ZNF536: variants seen among roughly 807,000 people sequenced by gnomAD.
The protein encoded by ZNF536 is zinc finger protein 536.
ZNF536 carries 13 observed loss-of-function variants against 84.5 expected under a neutral mutation model. The observed-to-expected ratio is 0.15, with a 90% CI of 0.10 to 0.24. ZNF536 has a LOEUF of 0.24. Ranked by LOEUF, ZNF536 falls within the 10% of genes least tolerant of loss-of-function variation. The pLI is 1.00. For synonymous variants in ZNF536, 811 were observed against 742.5 expected, an observed-to-expected ratio of 1.09 and a Z score of -1.50; for missense variants, 1,536 against 1,747.5, an observed-to-expected ratio of 0.88 and a Z score of 2.16.
intron 2 of ZNF536, among the ~76,000 whole-genome samples, chr19:30,530,808 C>T (rs2044777062): frequency 6.6e-6 from 1 of 152,208 alleles, no homozygotes; most frequent in South Asian, 2.1e-4. Context: ...GACGCCAGTG[C>T]TTTTATACTC....
chr19:30,698,923 C>G (rs1009465152), intron 1 of ZNF536, among the ~76,000 whole-genome samples: 1 of 152,172 alleles, frequency 6.6e-6, no homozygotes, highest in African/African-American at 2.4e-5. Flanking sequence ...CAATCCTTCC[C>G]CCTGTATTTA....
chr19:30,684,132 C>CAT (rs1210685676), intron 1 of ZNF536, among the ~76,000 whole-genome samples: 1 of 151,960 alleles, frequency 6.6e-6, no homozygotes, highest in Non-Finnish European at 1.5e-5. Flanking sequence ...CACACACACA[C>CAT]ATATATACAT....
Position 30,236,967 on chromosome 19 carries a change from T to C in ZNF536, c.-190+8294T>C, listed in dbSNP as rs1251743015. ...AAGAACTGGTTGCATTTTGACATTC[T>C]GCTCCTTTGTCTCACTGACACCAGC... On this transcript the variant is annotated intron_variant, in intron 1 of 5. Transcript: ENST00000585628. 6.6e-5 allele frequency among the ~76,000 whole-genome samples: 10 copies of C among 152,224 alleles called. No individual in the cohort carries two copies. The East Asian group carries it at 1.5e-3, about 23-fold the overall frequency.
intron 2 of ZNF536, among the ~76,000 whole-genome samples, chr19:30,330,175 A>C (rs1412885606): frequency 1.3e-5 from 2 of 152,182 alleles, no homozygotes; most frequent in Non-Finnish European, 2.9e-5. Context: ...TACTTTATTC[A>C]TCAGAAAGCT....
At chr19:30,439,153 T>A (rs1442632304) in intron 1 of ZNF536, among the ~76,000 whole-genome samples, 3 of 151,942 alleles carry the variant, frequency 2.0e-5, no homozygotes, top group Non-Finnish European at 4.4e-5. Context: ...AACACAGACA[T>A]AATTATTGCA....
chr19:30,390,176 G>C (rs907739584), intron 1 of ZNF536, among the ~76,000 whole-genome samples: 4 of 152,282 alleles, frequency 2.6e-5, no homozygotes, highest in Non-Finnish European at 5.9e-5. Context: ...GGGGGTTAAG[G>C]TTGTGTTGAG....
Position 30,297,913 on chromosome 19 carries a change from C to A in ZNF536, c.-120+13772C>A, listed in dbSNP as rs530212176. 1.9e-3 allele frequency among the ~76,000 whole-genome samples: 276 copies of A among 141,786 alleles called. 2 individuals are homozygous for A. The highest frequency in any genetic ancestry group is 3.1e-3 in the Non-Finnish European group (207 of 67,016). 93.0% of individuals were successfully genotyped at this position (141,786 alleles called of 152,430 possible). ...TTTCTCAAGACGGAGTCCCCCCCCC[C>A]TCTGTCGCCCAGGCTGGAGTGCAGT... On this transcript the variant is annotated intron_variant, in intron 2 of 5. Transcript: ENST00000585628.
At chr19:30,233,470 T>C (rs367705719) in intron 1 of ZNF536, among the ~76,000 whole-genome samples, 2 of 151,796 alleles carry the variant, frequency 1.3e-5, no homozygotes, top group South Asian at 2.1e-4. Flanking sequence ...GCCTCCTGAG[T>C]AGCTGGGACT....
At chr19:30,622,886 C>T (rs1239038258) in intron 1 of ZNF536, among the ~76,000 whole-genome samples, 1 of 152,034 alleles carries the variant, frequency 6.6e-6, no homozygotes, top group Non-Finnish European at 1.5e-5. Flanking sequence ...CTGTATCCTC[C>T]AAGGCAGACA....
chr19:30,686,497 C>T (rs970805422), intron 1 of ZNF536, among the ~76,000 whole-genome samples: 1 of 152,206 alleles, frequency 6.6e-6, no homozygotes, highest in Non-Finnish European at 1.5e-5. Flanking sequence ...GGGGCTCACA[C>T]AGGGCGCGGT....
At chr19:30,401,593 AG>A (rs1386169397) in intron 1 of ZNF536, among the ~76,000 whole-genome samples, 1 of 152,272 alleles carries the variant, frequency 6.6e-6, no homozygotes, top group African/African-American at 2.4e-5. Flanking sequence ...CTCAGATTAA[AG>A]TGGGATTTTC....
chr19:30,503,773 A>G (rs2055045876), intron 2 of ZNF536, among the ~76,000 whole-genome samples: 1 of 151,900 alleles, frequency 6.6e-6, no homozygotes, highest in South Asian at 2.1e-4. Flanking sequence ...AGCATCTCAA[A>G]ACTCTTTGCC....
intron 2 of ZNF536, among the ~76,000 whole-genome samples, chr19:30,311,795 G>A (rs1055881565): frequency 5.3e-5 from 8 of 152,154 alleles, no homozygotes; most frequent in South Asian, 2.1e-4. Flanking sequence ...AAGGCTAAGC[G>A]TGGTGGCTCA....
At chr19:30,692,334 T>C (rs535806126) in intron 1 of ZNF536, among the ~76,000 whole-genome samples, 1 of 152,352 alleles carries the variant, frequency 6.6e-6, no homozygotes, top group African/African-American at 2.4e-5. Context: ...CAAATTTTTT[T>C]CCCCTTCTCC....
chr19:30,549,651 T>A, intron 4 of ZNF536, 137 bp downstream of exon 4: 3 of 960,994 alleles, frequency 3.1e-6, no homozygotes, highest in Non-Finnish European at 4.4e-6. Context: ...ATGCTGTATC[T>A]GCAATGTAGA....
intron 1 of ZNF536, among the ~76,000 whole-genome samples, chr19:30,653,785 C>T (rs1568639599): frequency 6.6e-6 from 1 of 152,152 alleles, no homozygotes. Context: ...CCCAGCCTGC[C>T]TTGCTCATAA....
chr19:30,399,984 A>G (rs1287438793), intron 1 of ZNF536, among the ~76,000 whole-genome samples: 1 of 152,212 alleles, frequency 6.6e-6, no homozygotes, highest in Non-Finnish European at 1.5e-5. Context: ...CACCGCACCC[A>G]GCCTTGGCAT....
chr19:30,350,944 C>T (rs1389559673), intron 2 of ZNF536, among the ~76,000 whole-genome samples: 1 of 152,144 alleles, frequency 6.6e-6, no homozygotes, highest in Non-Finnish European at 1.5e-5. Context: ...GTGGCTGGAA[C>T]GTGGGGCATT....
intron 3 of ZNF536, among the ~76,000 whole-genome samples, chr19:30,546,827 G>A (rs976896315): frequency 6.6e-6 from 1 of 152,176 alleles, no homozygotes; most frequent in Non-Finnish European, 1.5e-5. Flanking sequence ...TGATTGCAAA[G>A]TCTGGAAAAG....
Sources: gnomAD v4.1 joint callset for allele counts (sites outside exome capture counted in the v4.1 genomes callset) on GRCh38, gnomAD v4.1.1 for gene constraint, MANE v1.5 for transcripts, NCBI Gene and HGNC (gene_info 2026-07-23, HGNC 2026-07-21) for gene names.